Variants in PIWIL2 observed in about 807,000 individuals in gnomAD.
PIWIL2 encodes the protein piwi-like protein 2.
In PIWIL2, 81 loss-of-function variants were observed where a neutral mutation model predicts 116.5. The observed-to-expected ratio is 0.70, with a 90% CI of 0.58 to 0.84. PIWIL2 has a LOEUF of 0.84. Among genes scored for constraint, PIWIL2 ranks in the 40% least tolerant of loss-of-function variants. The probability of loss-of-function intolerance (pLI) is 0.00; values close to 1 mark genes in which losing one functional copy is unlikely to be tolerated. For synonymous variants in PIWIL2, 489 were observed against 429.5 expected (o/e 1.14, Z -1.71); for missense variants, 1,272 against 1,212.3 (o/e 1.05, Z -0.73).
chr8:22,294,135 C>G (rs1033568932), intron 10 of PIWIL2, among the ~76,000 whole-genome samples: 71 of 150,574 alleles, frequency 4.7e-4, no homozygotes, highest in Middle Eastern at 3.5e-3. Flanking sequence ...GTCAGCAGTT[C>G]AAGACCAGCC....
At chr8:22,284,122 T>G in intron 5 of PIWIL2, 40 bp from the exon 6 acceptor site, 1 of 1,107,122 alleles carries the variant, frequency 9.0e-7, no homozygotes, top group Non-Finnish European at 1.3e-6. Context: ...TGTTTTTTTG[T>G]TTTTGATATA....
intron 1 of PIWIL2, among the ~76,000 whole-genome samples, chr8:22,278,052 C>T (rs887984459): frequency 6.6e-6 from 1 of 152,090 alleles, no homozygotes; most frequent in African/African-American, 2.4e-5. Context: ...CCTGTAATCC[C>T]AGCTACTCGG....
chr8:22,290,214 A>T lies in PIWIL2; in HGVS notation c.1068-19A>T. ...GTGTTCTTTGAAAATCCTACAGTTG[A>T]GACCACCTCTCTCTCCAGATTGCAG... On this transcript the variant is annotated intron_variant, in intron 9 of 22. Transcript: ENST00000356766. The T allele has an allele frequency of 6.7e-7, 1 of 1,487,058 alleles. No individual in the cohort carries two copies. The highest frequency in any genetic ancestry group is 9.4e-7 in the Non-Finnish European group (1 of 1,066,648). 92.1% of individuals were successfully genotyped at this position (1,487,058 alleles called of 1,614,324 possible).
At chr8:22,328,023 C>T (rs1831767332) in intron 20 of PIWIL2, among the ~76,000 whole-genome samples, 1 of 151,718 alleles carries the variant, frequency 6.6e-6, no homozygotes. Flanking sequence ...AATTCATTGC[C>T]AAATCCAAGG....
In PIWIL2 at chr8:22,318,174, C is replaced by G; in HGVS notation, c.2302C>G (p.Leu768Val). 1 of 1,607,456 alleles carries G rather than the reference C, an allele frequency of 6.2e-7. No individual in the cohort carries two copies. The highest frequency in any genetic ancestry group is 8.5e-7 in the Non-Finnish European group (1 of 1,174,062). ...CTCTGCTCACCCTGACCCTAGCACC[C>G]TCACAAAATGGTATTCCCGGGTGGT... ...VGFVASINLT[L>V]TKWYSRVVFQ... Residue 768 changes from leucine to valine, a missense_variant, in exon 20 of 23, where the codon CTC (leucine) becomes GTC (valine). Transcript: ENST00000356766.
In PIWIL2 at chr8:22,309,633, C is replaced by G. The variant is rs141258514; in HGVS notation, c.1687-328C>G. ...GGATTACAGGCGTGAGCCACGGTGC[C>G]CGGCCCCTTTAAAATATTTTTTGAA... On this transcript the variant is annotated intron_variant, in intron 14 of 22. Transcript: ENST00000356766. Among the ~76,000 whole-genome samples, 772 of 152,368 alleles carry G rather than the reference C, an allele frequency of 5.1e-3. 7 individuals carry two copies. Among genetic ancestry groups the G allele is most frequent in the African/African-American group, 0.018 (741 of 41,582 alleles).
intron 20 of PIWIL2, among the ~76,000 whole-genome samples, chr8:22,323,143 C>CTTTTTTTTT (rs138180864): frequency 3.8e-5 from 3 of 78,024 alleles, no homozygotes; most frequent in Admixed American, 2.0e-4. Flanking sequence ...TAGTCTTGAT[C>CTTTTTTTTT]TTTTTTTTTT....
intron 1 of PIWIL2, among the ~76,000 whole-genome samples, chr8:22,277,713 A>G (rs1158495852): frequency 6.6e-6 from 1 of 152,120 alleles, no homozygotes; most frequent in Non-Finnish European, 1.5e-5. Context: ...AATTGGATAG[A>G]GATTCGGAGA....
At chr8:22,342,855 C>G (rs1227493903) in intron 20 of PIWIL2, among the ~76,000 whole-genome samples, 4 of 152,048 alleles carry the variant, frequency 2.6e-5, no homozygotes, top group Non-Finnish European at 4.4e-5. Context: ...TTGCAAAACA[C>G]GTATCTGATA....
chr8:22,287,475 A>G, intron 6 of PIWIL2, 53 bp from the exon 7 acceptor site: 1 of 1,123,204 alleles, frequency 8.9e-7, no homozygotes, highest in Non-Finnish European at 1.4e-6. Flanking sequence ...CAGCTCTGGT[A>G]AAGATTGCAG....
intron 20 of PIWIL2, among the ~76,000 whole-genome samples, chr8:22,350,178 T>C (rs1332418563): frequency 6.6e-6 from 1 of 152,126 alleles, no homozygotes; most frequent in Non-Finnish European, 1.5e-5. Context: ...AAACCTTGGG[T>C]TGGGCTAGGG....
intron 20 of PIWIL2, among the ~76,000 whole-genome samples, chr8:22,332,798 G>T (rs1831891219): frequency 6.6e-6 from 1 of 152,066 alleles, no homozygotes; most frequent in Non-Finnish European, 1.5e-5. Context: ...ATAAAAAATA[G>T]ACTGTCACCA....
chr8:22,303,624 G>T (rs1272603723), intron 10 of PIWIL2, among the ~76,000 whole-genome samples: 6 of 152,104 alleles, frequency 3.9e-5, no homozygotes, highest in Non-Finnish European at 7.3e-5. Flanking sequence ...AATATCCTGG[G>T]CTCAAGCAAT....
chr8:22,298,641 CTTGG>C lies in PIWIL2; in HGVS notation c.1182-5375_1182-5372del, dbSNP rs561983039. ...TTGCCTGGGAAGTTTTCAAAATTATCTTGGTTGGACCTTCAGAATTGTCAGAGGA... is the reference window on the plus strand; with the variant it reads ...TTGCCTGGGAAGTTTTCAAAATTATCTTGGACCTTCAGAATTGTCAGAGGA... On this transcript the variant is annotated intron_variant, in intron 10 of 22. Transcript: ENST00000356766. Among the ~76,000 whole-genome samples, 686 of 152,298 alleles carry C rather than the reference CTTGG, an allele frequency of 4.5e-3. 5 individuals are homozygous for C. The highest frequency in any genetic ancestry group is 0.01 in the Middle Eastern group (3 of 294).
At chr8:22,341,622 G>A (rs1377462268) in intron 20 of PIWIL2, among the ~76,000 whole-genome samples, 1 of 148,574 alleles carries the variant, frequency 6.7e-6, no homozygotes, top group Non-Finnish European at 1.5e-5. Flanking sequence ...AAGATTCCCA[G>A]CACGTTAGGA....
intron 17 of PIWIL2, among the ~76,000 whole-genome samples, 183 bp downstream of exon 17, chr8:22,314,612 C>G (rs1301228715): frequency 6.6e-6 from 1 of 152,208 alleles, no homozygotes; most frequent in Non-Finnish European, 1.5e-5. Context: ...TCTTCATAAG[C>G]TGCCCTCATG....
intron 20 of PIWIL2, among the ~76,000 whole-genome samples, chr8:22,350,291 A>G (rs575514201): frequency 6.6e-6 from 1 of 152,104 alleles, no homozygotes; most frequent in East Asian, 1.9e-4. Context: ...AAAGCCAAAA[A>G]AAATTTTTTT....
intron 20 of PIWIL2, among the ~76,000 whole-genome samples, chr8:22,334,816 G>A (rs1831942809): frequency 6.6e-6 from 1 of 152,090 alleles, no homozygotes; most frequent in African/African-American, 2.4e-5. Flanking sequence ...CAGCACTTTG[G>A]GAGGCCAAGG....
intron 4 of PIWIL2, among the ~76,000 whole-genome samples, chr8:22,282,693 TGATCC>T (rs1260133369): frequency 6.6e-6 from 1 of 151,882 alleles, no homozygotes. Context: ...CAGGCTGAAG[TGATCC>T]TCCCACCTCA....
Sources: gnomAD v4.1 joint callset for allele counts (sites outside exome capture counted in the v4.1 genomes callset) on GRCh38, gnomAD v4.1.1 for gene constraint, MANE v1.5 for transcripts, NCBI Gene and HGNC (gene_info 2026-07-23, HGNC 2026-07-21) for gene names.